Variants in STK4 observed in about 807,000 individuals in gnomAD.
STK4 encodes the protein serine/threonine-protein kinase 4.
Under a neutral mutation model 64.9 loss-of-function variants are expected in STK4, and 30 were observed. That is an observed-to-expected ratio of 0.46 (90% CI 0.35 to 0.63). The LOEUF (loss-of-function observed/expected upper bound fraction) is 0.63, where lower values mean the gene tolerates loss of function less well. Among genes scored for constraint, STK4 ranks in the 20% least tolerant of loss-of-function variants. The probability of loss-of-function intolerance (pLI) is 0.01; values close to 1 mark genes in which losing one functional copy is unlikely to be tolerated. For missense variants in STK4, 466 were observed against 598.5 expected (o/e 0.78, Z 2.31); for synonymous variants, 177 against 199.0 (o/e 0.89, Z 0.93).
chr20:45,037,773 T>C (rs1175404062), intron 10 of STK4, among the ~76,000 whole-genome samples: 2 of 152,180 alleles, frequency 1.3e-5, no homozygotes, highest in African/African-American at 2.4e-5. Context: ...AAAGAAGCTT[T>C]ACTGAATTGT....
intron 5 of STK4, among the ~76,000 whole-genome samples, chr20:44,988,567 AT>A (rs1213172542): frequency 7.0e-6 from 1 of 142,316 alleles, no homozygotes; most frequent in Non-Finnish European, 1.5e-5. Flanking sequence ...ATATATATAT[AT>A]GTATCCATTC....
At chr20:44,984,639 T>C (rs1238726552) in intron 4 of STK4, among the ~76,000 whole-genome samples, 1 of 152,186 alleles carries the variant, frequency 6.6e-6, no homozygotes, top group Non-Finnish European at 1.5e-5. Context: ...ATGCTGTAAA[T>C]ATAAATTATA....
chr20:45,017,539 G>C (rs1014424639), intron 9 of STK4, among the ~76,000 whole-genome samples: 8 of 152,186 alleles, frequency 5.3e-5, no homozygotes, highest in Non-Finnish European at 8.8e-5. Context: ...CGAAGCAGAT[G>C]TGGGTGTTGA....
intron 10 of STK4, among the ~76,000 whole-genome samples, chr20:45,027,797 T>G (rs1416390330): frequency 6.6e-6 from 1 of 152,156 alleles, no homozygotes; most frequent in African/African-American, 2.4e-5. Flanking sequence ...TAACCGTCAT[T>G]CTACACTCTG....
rs976452057 is a variant in STK4 at position 45,075,594 on chromosome 20, A to G, written c.*418A>G. ...TAGATTCCCCACGCAGTGTGGTGGC[A>G]TCTCTGTACAGGTACAGTTTTAAAC... On this transcript the variant is annotated 3_prime_UTR_variant, in exon 11 of 11. Transcript: ENST00000372806. The G allele has an allele frequency of 3.9e-5, 6 of 153,652 alleles. No homozygotes were observed. Among genetic ancestry groups the G allele is most frequent in the African/African-American group, 9.6e-5 (4 of 41,454 alleles). The allele number at this position is 153,652 out of a possible 1,614,324, so 9.5% of individuals were successfully genotyped here. A position where few individuals can be genotyped will look rare whatever the true frequency, so the allele number is the denominator to read the frequency against.
At chr20:45,071,343 G>A (rs751893756) in intron 10 of STK4, among the ~76,000 whole-genome samples, 3 of 152,204 alleles carry the variant, frequency 2.0e-5, no homozygotes, top group Non-Finnish European at 4.4e-5. Context: ...CATTTGAAAT[G>A]TATTTATGCC....
intron 4 of STK4, among the ~76,000 whole-genome samples, chr20:44,984,263 C>T (rs149890864): frequency 0.022 from 2,633 of 122,054 alleles, 40 homozygotes; most frequent in African/African-American, 0.055. Context: ...GGTGTGAACT[C>T]GGCTCAGTGC....
chr20:44,995,009 C>CT (rs1344774452), intron 5 of STK4, 81 bp from the exon 6 acceptor site: 971 of 922,094 alleles, frequency 1.1e-3, no homozygotes, highest in Non-Finnish European at 1.2e-3. Context: ...TTTTTTTCTT[C>CT]TTTTTTTCTC....
intron 9 of STK4, among the ~76,000 whole-genome samples, chr20:45,016,130 G>T (rs2068138032): frequency 6.6e-6 from 1 of 152,082 alleles, no homozygotes; most frequent in Non-Finnish European, 1.5e-5. Context: ...GAAGAGAGAG[G>T]GAGGCTCTGT....
chr20:45,040,187 A>T (rs554079023), intron 10 of STK4, among the ~76,000 whole-genome samples: 13 of 151,808 alleles, frequency 8.6e-5, no homozygotes, highest in Non-Finnish European at 1.5e-4. Flanking sequence ...ATGCCATTTC[A>T]TTAGAGGTTA....
chr20:44,994,721 A>G (rs990301581), intron 5 of STK4, among the ~76,000 whole-genome samples: 2 of 152,146 alleles, frequency 1.3e-5, no homozygotes, highest in Non-Finnish European at 2.9e-5. Flanking sequence ...AATATTGCCA[A>G]CTTATGTACT....
chr20:45,046,544 A>G (rs1263019206), intron 10 of STK4, among the ~76,000 whole-genome samples: 1 of 151,274 alleles, frequency 6.6e-6, no homozygotes, highest in Non-Finnish European at 1.5e-5. Context: ...TTTTCTGGTT[A>G]TATCTCTGTC....
At chr20:44,989,969 T>C (rs2067602402) in intron 5 of STK4, among the ~76,000 whole-genome samples, 1 of 152,234 alleles carries the variant, frequency 6.6e-6, no homozygotes, top group African/African-American at 2.4e-5. Flanking sequence ...TTGAAGTTGG[T>C]TAAGTGTGAG....
At chr20:44,990,397 C>CT (rs35450262) in intron 5 of STK4, among the ~76,000 whole-genome samples, 18,106 of 141,652 alleles carry the variant, frequency 0.13, 1,429 homozygotes, top group East Asian at 0.23. Flanking sequence ...CCTTGCTGGA[C>CT]TTTTTTTTTT....
chr20:45,070,880 C>T (rs1418000165), intron 10 of STK4, among the ~76,000 whole-genome samples: 4 of 119,020 alleles, frequency 3.4e-5, no homozygotes, highest in Non-Finnish European at 5.2e-5. Context: ...AGCCAGACTC[C>T]GTCTCAAAAA....
rs201001614 is a variant in STK4 at position 45,075,142 on chromosome 20, T to C, written c.1430T>C (p.Ile477Thr). 46 of 1,614,112 alleles carry C rather than the reference T, an allele frequency of 2.8e-5. No homozygotes were observed. The highest frequency in any genetic ancestry group is 3.3e-5 in the Non-Finnish European group (39 of 1,180,022). ...AAGCGGCAGCCCATCCTGGATGCCA[T>C]AGAGGCTAAGAAGAGACGGCAACAA... Reference protein sequence around the residue: ...QSKRQPILDAIEAKKRRQQNF With the variant: ...QSKRQPILDATEAKKRRQQNF The change falls in exon 11 of 11, where the codon ATA becomes ACA. Residue 477 changes from isoleucine (I) to threonine (T), a missense_variant. Around this residue, in one of 2 missense-constraint regions of STK4, gnomAD observed 276 missense variants for 308.9 expected, o/e 0.89. Transcript: ENST00000372806.
At chr20:44,975,868 CAG>C (rs2067331041) in intron 2 of STK4, among the ~76,000 whole-genome samples, 1 of 152,114 alleles carries the variant, frequency 6.6e-6, no homozygotes, top group Non-Finnish European at 1.5e-5. Context: ...AAATCATCGA[CAG>C]TGAGTGTGGT....
chr20:45,017,101 C>T (rs1392447273), intron 9 of STK4, among the ~76,000 whole-genome samples: 1 of 151,984 alleles, frequency 6.6e-6, no homozygotes, highest in Non-Finnish European at 1.5e-5. Context: ...TATTTAATAC[C>T]AACCAAGAAG....
intron 10 of STK4, among the ~76,000 whole-genome samples, chr20:45,027,746 A>G (rs184929909): frequency 4.6e-5 from 7 of 152,052 alleles, no homozygotes; most frequent in East Asian, 3.9e-4. Context: ...CCCTTAACCA[A>G]CTTCTCTTCA....
Sources: allele counts gnomAD v4.1 joint callset (sites outside exome capture counted in the v4.1 genomes callset), GRCh38; gene constraint gnomAD v4.1.1; regional missense constraint gnomAD v4.1.1; transcripts MANE v1.5; gene names NCBI Gene and HGNC (gene_info 2026-07-23, HGNC 2026-07-21).